SLC25A48: variants seen among roughly 807,000 people sequenced by gnomAD.
SLC25A48 encodes the protein CTC-321K16.1.
A neutral mutation model predicts 32.2 loss-of-function variants in SLC25A48; 29 were observed. That is an observed-to-expected ratio of 0.90 (90% confidence interval 0.67 to 1.23). The LOEUF is 1.23. Ranked by LOEUF, SLC25A48 falls within the 50% of genes most tolerant of loss-of-function variation. The pLI is 0.00. For synonymous variants in SLC25A48, 164 were observed against 172.3 expected, an observed-to-expected ratio of 0.95 and a Z score of 0.38; for missense variants, 399 against 422.7, an observed-to-expected ratio of 0.94 and a Z score of 0.49.
chr5:135,796,251 C>T (rs1443127480), intron 3 of SLC25A48, among the ~76,000 whole-genome samples: 1 of 150,986 alleles, frequency 6.6e-6, no homozygotes, highest in Non-Finnish European at 1.5e-5. Flanking sequence ...GGGGGGAGTA[C>T]ATCACGCCGC....
In SLC25A48 at chr5:135,802,283, T is replaced by C. The variant is rs140883165; in HGVS notation, c.-520-10240T>C. 3.8e-4 allele frequency among the ~76,000 whole-genome samples: 57 copies of C among 151,874 alleles called. No individual in the cohort carries two copies. In the East Asian group the frequency reaches 0.01, roughly 27 times the overall value. ...ATACCCTGTGATATTATCTGTAATA[T>C]CCTAGGAAGATATTACTCCTACTAT... On this transcript the variant is annotated intron_variant, in intron 3 of 10. Coordinates refer to the SLC25A48 transcript ENST00000646290.
chr5:135,583,805 G>A (rs1362663860), intron 1 of SLC25A48, among the ~76,000 whole-genome samples: 4 of 152,092 alleles, frequency 2.6e-5, no homozygotes, highest in South Asian at 2.1e-4. Flanking sequence ...CAAGCCTGGC[G>A]GGTGCCTCTC....
At chr5:135,804,316 T>C (rs1757409421) in intron 3 of SLC25A48, among the ~76,000 whole-genome samples, 1 of 151,738 alleles carries the variant, frequency 6.6e-6, no homozygotes, top group African/African-American at 2.4e-5. Context: ...CCACACATGG[T>C]GTATACCCCC....
intron 4 of SLC25A48, 40 bp from the exon 5 acceptor site, chr5:135,871,421 C>T: frequency 4.5e-6 from 7 of 1,557,102 alleles, no homozygotes; most frequent in East Asian, 2.3e-5. Context: ...GTCTCTTACA[C>T]CCTGGGTCAC....
At chr5:135,647,795 G>A (rs548661884) in intron 3 of SLC25A48, among the ~76,000 whole-genome samples, 1 of 152,362 alleles carries the variant, frequency 6.6e-6, no homozygotes, top group East Asian at 1.9e-4. Flanking sequence ...AACAGGACCT[G>A]TGGCGGGAAT....
At chr5:135,814,034 C>G (rs911083109) in intron 4 of SLC25A48, among the ~76,000 whole-genome samples, 1 of 152,194 alleles carries the variant, frequency 6.6e-6, no homozygotes, top group African/African-American at 2.4e-5. Context: ...TGATCAGAGG[C>G]ACCCATGTGG....
At chr5:135,869,409 G>A (rs534619240) in intron 4 of SLC25A48, among the ~76,000 whole-genome samples, 129 of 152,256 alleles carry the variant, frequency 8.5e-4, no homozygotes, top group Middle Eastern at 3.4e-3. Context: ...TGCTTACTCC[G>A]CAGGGAAAAG....
chr5:135,809,464 C>T (rs1224950798), intron 3 of SLC25A48, among the ~76,000 whole-genome samples: 4 of 152,108 alleles, frequency 2.6e-5, no homozygotes, highest in Admixed American at 6.5e-5. Context: ...GGCTCAAGAT[C>T]CTCCCTCTAT....
At chr5:135,790,566 A>T (rs1477301307) in intron 3 of SLC25A48, among the ~76,000 whole-genome samples, 1 of 134,028 alleles carries the variant, frequency 7.5e-6, no homozygotes, top group East Asian at 2.0e-4. Context: ...ATTTCTCCTA[A>T]TGTCACAGTG....
intron 3 of SLC25A48, among the ~76,000 whole-genome samples, chr5:135,762,736 G>T (rs953617182): frequency 6.6e-6 from 1 of 152,046 alleles, no homozygotes; most frequent in African/African-American, 2.4e-5. Flanking sequence ...ATATGAGTGT[G>T]TGCATATGCA....
intron 3 of SLC25A48, among the ~76,000 whole-genome samples, chr5:135,697,596 C>T (rs1166076633): frequency 2.6e-5 from 4 of 152,224 alleles, no homozygotes; most frequent in Non-Finnish European, 5.9e-5. Flanking sequence ...TGCACACTCT[C>T]ATCCCCTGTG....
At chr5:135,866,775 G>A (rs1026256670) in intron 4 of SLC25A48, among the ~76,000 whole-genome samples, 1 of 152,226 alleles carries the variant, frequency 6.6e-6, no homozygotes, top group African/African-American at 2.4e-5. Flanking sequence ...GGAGGCCTGG[G>A]CCCTCCTCCA....
chr5:135,820,236 A>G (rs978363651), intron 4 of SLC25A48, among the ~76,000 whole-genome samples: 1 of 152,220 alleles, frequency 6.6e-6, no homozygotes, highest in Non-Finnish European at 1.5e-5. Flanking sequence ...AATAAAAAGG[A>G]GCAAACTGTA....
chr5:135,695,325 T>C lies in SLC25A48; in HGVS notation c.-521+60369T>C, dbSNP rs76179313. Among the ~76,000 whole-genome samples, 1,238 of 152,292 alleles carry C rather than the reference T, an allele frequency of 8.1e-3. 18 individuals are homozygous for C. The highest frequency in any genetic ancestry group is 0.029 in the African/African-American group (1,202 of 41,566). On this transcript the variant is annotated intron_variant, in intron 3 of 10. Coordinates refer to the SLC25A48 transcript ENST00000646290. The stretch of plus-strand genomic sequence containing the variant: ...TGCTTTTTATGTTTTTCTTGCTTAC[T>C]GTCAATCTCCTCTACAAGAATATAA...
chr5:135,781,301 A>T lies in SLC25A48; in HGVS notation c.-520-31222A>T, dbSNP rs1420938211. ...GAAAGTGTACTCCCCACTGTTATCT[A>T]AATCGTAATATGCAGAAGGGGTAGG... On this transcript the variant is annotated intron_variant, in intron 3 of 10. Transcript: ENST00000646290. 3.4e-5 allele frequency among the ~76,000 whole-genome samples: 4 copies of T among 116,506 alleles called. 1 individual carries two copies. The highest frequency in any genetic ancestry group is 2.2e-4 in the East Asian group (1 of 4,632). 76.4% of individuals were successfully genotyped at this position (116,506 alleles called of 152,430 possible).
At chr5:135,606,057 T>A (rs76528382) in intron 1 of SLC25A48, among the ~76,000 whole-genome samples, 1 of 151,866 alleles carries the variant, frequency 6.6e-6, no homozygotes, top group Non-Finnish European at 1.5e-5. Flanking sequence ...AAAAAAAAAA[T>A]CTGGCCTTTC....
intron 3 of SLC25A48, among the ~76,000 whole-genome samples, chr5:135,638,889 A>G (rs1290600299): frequency 6.6e-6 from 1 of 152,214 alleles, no homozygotes; most frequent in African/African-American, 2.4e-5. Context: ...GCCAATGACA[A>G]GGTATTATGT....
chr5:135,687,162 C>G (rs1754037018), intron 3 of SLC25A48, among the ~76,000 whole-genome samples: 1 of 150,424 alleles, frequency 6.6e-6, no homozygotes, highest in Non-Finnish European at 1.5e-5. Context: ...TGAAAGAATT[C>G]TGACATTAAG....
chr5:135,828,292 C>T (rs576054608), intron 4 of SLC25A48, among the ~76,000 whole-genome samples: 2 of 152,374 alleles, frequency 1.3e-5, no homozygotes, highest in East Asian at 1.9e-4. Flanking sequence ...TCAGGACACA[C>T]AGGTCATAAC....
Sources: allele counts gnomAD v4.1 joint callset (sites outside exome capture counted in the v4.1 genomes callset), GRCh38; gene constraint gnomAD v4.1.1; transcripts MANE v1.5; gene names NCBI Gene and HGNC (gene_info 2026-07-23, HGNC 2026-07-21).